MAML3: variants seen among roughly 807,000 people sequenced by gnomAD.
MAML3 encodes mastermind-like protein 3.
In MAML3, 27 loss-of-function variants were observed where a neutral mutation model predicts 101.9. That is an observed-to-expected ratio of 0.27 (90% CI 0.20 to 0.37). The LOEUF (loss-of-function observed/expected upper bound fraction) is 0.37. Among genes scored for constraint, MAML3 ranks in the 10% least tolerant of loss-of-function variants. The pLI is 1.00. For synonymous variants in MAML3, 501 were observed against 555.9 expected (o/e 0.90, Z 1.39); for missense variants, 1,316 against 1,444.9 (o/e 0.91, Z 1.45).
chr4:140,116,078 T>C (rs1029502227), intron 1 of MAML3, among the ~76,000 whole-genome samples: 38 of 152,316 alleles, frequency 2.5e-4, no homozygotes, highest in African/African-American at 9.1e-4. Context: ...ATTGTTTCCC[T>C]TTTTTAAAAA....
intron 1 of MAML3, among the ~76,000 whole-genome samples, chr4:140,056,993 A>C (rs538177651): frequency 2.0e-5 from 3 of 152,298 alleles, no homozygotes; most frequent in South Asian, 4.1e-4. Context: ...ACAACAACAA[A>C]AAATGCAGAT....
At chr4:139,927,103 TCGTAGAGACAGG>T (rs1733281365) in intron 1 of MAML3, among the ~76,000 whole-genome samples, 1 of 151,722 alleles carries the variant, frequency 6.6e-6, no homozygotes, top group African/African-American at 2.4e-5. Context: ...TTTGTACTTT[TCGTAGAGACAGG>T]GTTTCACTGT....
At chr4:139,902,247 G>A (rs909880052) in intron 1 of MAML3, among the ~76,000 whole-genome samples, 23 of 100,010 alleles carry the variant, frequency 2.3e-4, no homozygotes, top group Admixed American at 1.3e-3. Flanking sequence ...AGGCGCGCAC[G>A]CACACGCACA....
In MAML3 at chr4:139,957,039, A is replaced by G. The variant is rs1406646688; in HGVS notation, c.469-66072T>C. On this transcript the variant is annotated intron_variant, in intron 1 of 4. Coordinates refer to ENST00000509479, the MANE Select transcript of MAML3 (RefSeq NM_018717.5). ...TATCTCAAGGAACTGATGCATAGCA[A>G]GGCTGAGCAACTTGTCCAACGTCAC... Among the ~76,000 whole-genome samples, 4 of 152,346 alleles carry G rather than the reference A, an allele frequency of 2.6e-5. No individual in the cohort carries two copies. The East Asian group carries it at 7.7e-4, about 29-fold the overall frequency.
At chr4:140,050,220 T>G (rs1049250762) in intron 1 of MAML3, among the ~76,000 whole-genome samples, 2 of 152,082 alleles carry the variant, frequency 1.3e-5, no homozygotes, top group Admixed American at 6.5e-5. Flanking sequence ...CCGCCAAACT[T>G]TAGAAGGATT....
At chr4:139,930,634 C>G (rs746329945) in intron 1 of MAML3, among the ~76,000 whole-genome samples, 2 of 152,178 alleles carry the variant, frequency 1.3e-5, no homozygotes, top group Non-Finnish European at 2.9e-5. Context: ...TAATCATCTT[C>G]TACCCACATG....
chr4:139,747,329 CTT>C (rs1729356922), intron 2 of MAML3, among the ~76,000 whole-genome samples: 1 of 152,160 alleles, frequency 6.6e-6, no homozygotes. Context: ...TAGACAGAAA[CTT>C]TTCCTTTTAG....
chr4:139,844,099 G>C (rs1392716168), intron 2 of MAML3, among the ~76,000 whole-genome samples: 2 of 152,244 alleles, frequency 1.3e-5, no homozygotes, highest in African/African-American at 4.8e-5. Context: ...GGTGCGGGTA[G>C]AGTGGAAGTC....
chr4:139,931,442 G>T (rs1333726026), intron 1 of MAML3, among the ~76,000 whole-genome samples: 1 of 152,176 alleles, frequency 6.6e-6, no homozygotes, highest in South Asian at 2.1e-4. Context: ...AAATTGCAGG[G>T]ATGTATTAAA....
At chr4:139,905,620 A>G (rs1458651863) in intron 1 of MAML3, among the ~76,000 whole-genome samples, 1 of 152,118 alleles carries the variant, frequency 6.6e-6, no homozygotes, top group Non-Finnish European at 1.5e-5. Flanking sequence ...CTCAAACAAC[A>G]TACATTAATT....
chr4:139,987,356 T>A (rs1166673133), intron 1 of MAML3, among the ~76,000 whole-genome samples: 2 of 152,190 alleles, frequency 1.3e-5, no homozygotes, highest in South Asian at 4.1e-4. Context: ...CAGATGTCGA[T>A]TGTTTCTGAA....
At chr4:140,102,426 G>C (rs1352563633) in intron 1 of MAML3, among the ~76,000 whole-genome samples, 1 of 152,184 alleles carries the variant, frequency 6.6e-6, no homozygotes, top group Non-Finnish European at 1.5e-5. Context: ...TGCCAAGCAA[G>C]GCTGGTTTCT....
At chr4:140,050,820 C>T (rs188875424) in intron 1 of MAML3, among the ~76,000 whole-genome samples, 61 of 152,266 alleles carry the variant, frequency 4.0e-4, no homozygotes, top group African/African-American at 1.2e-3. Flanking sequence ...TTCAGAATCG[C>T]TACCTTGAAA....
At position 139,994,840 on chromosome 4, in the gene MAML3, G is replaced by A. The variant is rs140518432; in HGVS notation, c.469-103873C>T. On this transcript the variant is annotated intron_variant, in intron 1 of 4. Transcript: ENST00000509479. The stretch of plus-strand genomic sequence containing the variant: ...ATTCCTTAAAATTTTATACATACAG[G>A]ATCAAGTCACCTGTGAATAAACTTT... Among the ~76,000 whole-genome samples, 1,183 of 151,358 alleles carry A rather than the reference G, an allele frequency of 7.8e-3. 18 individuals carry two copies. Among genetic ancestry groups the A allele is most frequent in the African/African-American group, 0.027 (1,130 of 41,236 alleles).
At chr4:139,819,104 G>A (rs527317353) in intron 2 of MAML3, among the ~76,000 whole-genome samples, 60 of 152,292 alleles carry the variant, frequency 3.9e-4, no homozygotes, top group African/African-American at 1.4e-3. Flanking sequence ...TGAAATGAAG[G>A]CAGGTATAAA....
chr4:139,769,373 T>G lies in MAML3; in HGVS notation c.2080-38706A>C, dbSNP rs914717555. Reference sequence around the variant, plus strand: ...TGCATGGAACACAAGACACGCTGCTTTGATTAGGGTGCTCTCTTGTCCATT... The same window carrying G: ...TGCATGGAACACAAGACACGCTGCTGTGATTAGGGTGCTCTCTTGTCCATT... On this transcript the variant is annotated intron_variant, in intron 2 of 4. Transcript: ENST00000509479. Among the ~76,000 whole-genome samples, 7 of 152,274 alleles carry G rather than the reference T, an allele frequency of 4.6e-5. No homozygotes were observed. In the East Asian group the frequency reaches 1.2e-3, roughly 25 times the overall value.
At chr4:140,150,958 G>C (rs1039793283) in intron 1 of MAML3, among the ~76,000 whole-genome samples, 2 of 151,748 alleles carry the variant, frequency 1.3e-5, no homozygotes, top group African/African-American at 4.8e-5. Context: ...CCTTCTTCGC[G>C]CTCGGGGCAG....
At chr4:139,768,251 T>TGTGG (rs1368747399) in intron 2 of MAML3, among the ~76,000 whole-genome samples, 1 of 150,556 alleles carries the variant, frequency 6.6e-6, no homozygotes, top group Non-Finnish European at 1.5e-5. Context: ...TGTGTGTGTG[T>TGTGG]GTGTGTGTGT....
At chr4:139,857,371 C>T (rs533146534) in intron 2 of MAML3, among the ~76,000 whole-genome samples, 6 of 152,206 alleles carry the variant, frequency 3.9e-5, no homozygotes, top group African/African-American at 1.4e-4. Flanking sequence ...CACCCCACCC[C>T]CTTCAAACCT....
Sources: allele counts gnomAD v4.1 joint callset (sites outside exome capture counted in the v4.1 genomes callset), GRCh38; gene constraint gnomAD v4.1.1; transcripts MANE v1.5; gene names NCBI Gene and HGNC (gene_info 2026-07-23, HGNC 2026-07-21).